CNTN1: variants seen among roughly 807,000 people sequenced by gnomAD.
CNTN1 encodes contactin 1, also known as contactin-1.
In CNTN1, 38 loss-of-function variants were observed where a neutral mutation model predicts 126.4. The observed-to-expected ratio is 0.30, with a 90% CI of 0.23 to 0.39. The LOEUF (loss-of-function observed/expected upper bound fraction) is 0.39. CNTN1 is among the 10% of genes least tolerant of loss of function. CNTN1 has a pLI of 1.00. For missense variants in CNTN1, 1,009 were observed against 1,248.4 expected, an observed-to-expected ratio of 0.81 and a Z score of 2.89; for synonymous variants, 413 against 422.6, an observed-to-expected ratio of 0.98 and a Z score of 0.28.
At chr12:41,009,562 A>G (rs1456653321) in intron 17 of CNTN1, among the ~76,000 whole-genome samples, 1 of 152,166 alleles carries the variant, frequency 6.6e-6, no homozygotes, top group African/African-American at 2.4e-5. Context: ...GGCCCTTCCT[A>G]TGGAAAGGCT....
At chr12:41,020,586 A>C in intron 20 of CNTN1, 146 bp downstream of exon 20, 1 of 611,692 alleles carries the variant, frequency 1.6e-6, no homozygotes. Flanking sequence ...GGTCATATAT[A>C]AGTTAATTGT....
chr12:40,978,403 C>G (rs1275880636), intron 15 of CNTN1, among the ~76,000 whole-genome samples: 1 of 151,858 alleles, frequency 6.6e-6, no homozygotes, highest in African/African-American at 2.4e-5. Flanking sequence ...CCAACACAAC[C>G]CTTTCCATTT....
At chr12:40,765,686 C>T (rs1299747422) in intron 1 of CNTN1, among the ~76,000 whole-genome samples, 3 of 152,118 alleles carry the variant, frequency 2.0e-5, no homozygotes, top group African/African-American at 7.2e-5. Flanking sequence ...AATCCAAGAC[C>T]TTTGATGACC....
chr12:40,999,048 T>C (rs1193276645), intron 17 of CNTN1, among the ~76,000 whole-genome samples: 3 of 152,178 alleles, frequency 2.0e-5, no homozygotes, highest in Non-Finnish European at 4.4e-5. Flanking sequence ...CCCAAAGAGA[T>C]ACTTATATGC....
At chr12:40,871,019 G>A (rs763650940) in intron 1 of CNTN1, among the ~76,000 whole-genome samples, 35 of 149,374 alleles carry the variant, frequency 2.3e-4, no homozygotes, top group Non-Finnish European at 4.7e-4. Flanking sequence ...AGATGAGTGA[G>A]GATTCTGCCA....
At chr12:40,811,785 T>C (rs1310891141) in intron 1 of CNTN1, among the ~76,000 whole-genome samples, 1 of 151,122 alleles carries the variant, frequency 6.6e-6, no homozygotes, top group Non-Finnish European at 1.5e-5. Context: ...TCTTTTCTCC[T>C]TTTTCCTTCG....
At chr12:40,946,852 G>A (rs750948482) in intron 14 of CNTN1, among the ~76,000 whole-genome samples, 7 of 151,984 alleles carry the variant, frequency 4.6e-5, no homozygotes, top group South Asian at 2.1e-4. Flanking sequence ...TTCACAGCCC[G>A]GTGTAATTTG....
chr12:40,930,131 A>G, intron 7 of CNTN1, 129 bp downstream of exon 7: 1 of 799,298 alleles, frequency 1.3e-6, no homozygotes, highest in South Asian at 1.4e-5. Flanking sequence ...AAGGGGATGC[A>G]TGTTGAAGGG....
At chr12:40,745,975 G>A (rs748545412) in intron 1 of CNTN1, among the ~76,000 whole-genome samples, 4 of 152,090 alleles carry the variant, frequency 2.6e-5, no homozygotes, top group Non-Finnish European at 4.4e-5. Flanking sequence ...TCAAAGTTTA[G>A]TTCTCACGTA....
chr12:41,045,612 A>G (rs978240179), intron 23 of CNTN1, among the ~76,000 whole-genome samples: 1 of 152,108 alleles, frequency 6.6e-6, no homozygotes, highest in Non-Finnish European at 1.5e-5. Context: ...TCGATACTAC[A>G]TTAGGGACCA....
intron 1 of CNTN1, among the ~76,000 whole-genome samples, chr12:40,779,762 G>T (rs1022361614): frequency 4.6e-5 from 7 of 151,856 alleles, no homozygotes; most frequent in Non-Finnish European, 8.8e-5. Flanking sequence ...TTTAAAAGAA[G>T]AAATTGAATA....
chr12:40,989,212 G>T (rs530489827), intron 16 of CNTN1, among the ~76,000 whole-genome samples: 1 of 152,300 alleles, frequency 6.6e-6, no homozygotes, highest in East Asian at 1.9e-4. Flanking sequence ...AAGAGAAGAA[G>T]AGAAAAGGAT....
At chr12:40,936,722 G>A (rs1946092658) in intron 9 of CNTN1, 59 bp from the exon 10 acceptor site, 2 of 1,594,968 alleles carry the variant, frequency 1.3e-6, no homozygotes, top group African/African-American at 2.7e-5. Context: ...TTATACTCTG[G>A]AGATTATGAT....
At chr12:40,920,825 A>G (rs1945414672) in intron 4 of CNTN1, among the ~76,000 whole-genome samples, 1 of 152,260 alleles carries the variant, frequency 6.6e-6, no homozygotes, top group African/African-American at 2.4e-5. Context: ...TTGTAGCAAT[A>G]GTCTATGTTT....
At chr12:40,733,745 T>C (rs1328961182) in intron 1 of CNTN1, among the ~76,000 whole-genome samples, 2 of 152,102 alleles carry the variant, frequency 1.3e-5, no homozygotes, top group Non-Finnish European at 2.9e-5. Flanking sequence ...CATTTATCTC[T>C]ACTGCCACAC....
chr12:40,853,659 C>T (rs1942799766), intron 1 of CNTN1, among the ~76,000 whole-genome samples: 1 of 151,922 alleles, frequency 6.6e-6, no homozygotes, highest in African/African-American at 2.4e-5. Context: ...AAGAGATATA[C>T]AATCCTTTTT....
intron 1 of CNTN1, among the ~76,000 whole-genome samples, chr12:40,725,291 C>T (rs538267212): frequency 1.3e-5 from 2 of 151,130 alleles, no homozygotes; most frequent in East Asian, 2.0e-4. Context: ...ATTCCAGCTA[C>T]TCAGGAGGCT....
At chr12:40,736,347 C>T (rs1406176740) in intron 1 of CNTN1, among the ~76,000 whole-genome samples, 2 of 151,582 alleles carry the variant, frequency 1.3e-5, no homozygotes, top group Non-Finnish European at 2.9e-5. Flanking sequence ...ACAAATAGAC[C>T]AAAAGTAATG....
chr12:40,892,961 G>C lies in CNTN1; in HGVS notation c.-76-15396G>C, dbSNP rs182819575. On this transcript the variant is annotated intron_variant, in intron 1 of 23. Transcript: ENST00000551295. Reference sequence around the variant, plus strand: ...ACTCAAGAAAAATGAAAACTGGGGGGGGTGAATAAACAAATACATGATTGA... The same window carrying C: ...ACTCAAGAAAAATGAAAACTGGGGGCGGTGAATAAACAAATACATGATTGA... Among the ~76,000 whole-genome samples the C allele has an allele frequency of 1.2e-4, 18 of 144,304 alleles. 1 individual carries two copies. The highest frequency in any genetic ancestry group is 1.2e-3 in the Admixed American group (17 of 14,602). The allele number at this position is 144,304 out of a possible 152,430, so 94.7% of individuals were successfully genotyped here.
Sources: allele counts gnomAD v4.1 joint callset (sites outside exome capture counted in the v4.1 genomes callset), GRCh38; gene constraint gnomAD v4.1.1; transcripts MANE v1.5; gene names NCBI Gene and HGNC (gene_info 2026-07-23, HGNC 2026-07-21).